The following SASH1 variants were observed in gnomAD, a reference collection of about 807,000 sequenced individuals.
SASH1 encodes the protein SAM and SH3 domain-containing protein 1.
A neutral mutation model predicts 125.2 loss-of-function variants in SASH1; 44 were observed. The observed-to-expected ratio is 0.35, with a 90% confidence interval of 0.28 to 0.45. SASH1 has a LOEUF of 0.45. Among genes scored for constraint, SASH1 ranks in the 20% least tolerant of loss-of-function variants. The pLI is 1.00. For missense variants in SASH1, 1,426 were observed against 1,614.5 expected (o/e 0.88, Z 2.00); for synonymous variants, 639 against 649.1 (o/e 0.98, Z 0.24).
the SASH1 span, among the ~76,000 whole-genome samples, chr6:148,200,217 G>A: frequency 4.6e-5 from 7 of 152,204 alleles, no homozygotes; most frequent in African/African-American, 1.4e-4. Context: ...CTAAATGAAA[G>A]TTACTAATAA....
chr6:148,390,109 C>G (rs374827312), intron 1 of SASH1, 25 bp from the exon 2 acceptor site: 399 of 1,610,758 alleles, frequency 2.5e-4, no homozygotes, highest in Non-Finnish European at 3.2e-4. Context: ...CTGACCTGAC[C>G]GCCTTTGTTT....
intron 16 of SASH1, among the ~76,000 whole-genome samples, chr6:148,538,125 C>T (rs920315711): frequency 3.9e-5 from 6 of 152,286 alleles, no homozygotes; most frequent in Non-Finnish European, 5.9e-5. Context: ...CCCTTCCTTA[C>T]GCCAACTGTG....
chr6:148,465,507 T>C (rs6903386), intron 4 of SASH1, among the ~76,000 whole-genome samples: 134,605 of 150,396 alleles, frequency 0.9, 60,338 homozygotes, highest in African/African-American at 0.95. Context: ...CGCATCACTG[T>C]ACTCCAGCCT....
chr6:148,299,585 T>A (rs1779878740), intron 1 of SASH1, among the ~76,000 whole-genome samples: 1 of 150,630 alleles, frequency 6.6e-6, no homozygotes, highest in African/African-American at 2.5e-5. Context: ...GAGAATCTCT[T>A]GAACCTGGGA....
chr6:148,203,922 C>A, the SASH1 span, among the ~76,000 whole-genome samples: 2 of 152,306 alleles, frequency 1.3e-5, no homozygotes, highest in Middle Eastern at 3.4e-3. Context: ...CAACCTGTGG[C>A]CCTTGTACCT....
At chr6:148,448,109 G>GGAGA (rs780417357) in intron 4 of SASH1, among the ~76,000 whole-genome samples, 3 of 147,644 alleles carry the variant, frequency 2.0e-5, no homozygotes, top group African/African-American at 7.5e-5. Context: ...CTATTGCAGT[G>GGAGA]GAGAGAGTGT....
At chr6:148,210,960 C>T in the SASH1 span, among the ~76,000 whole-genome samples, 2 of 152,098 alleles carry the variant, frequency 1.3e-5, no homozygotes, top group Non-Finnish European at 2.9e-5. Flanking sequence ...AAAAAGAAAA[C>T]ATTGTTGAGT....
chr6:148,265,017 A>G, the SASH1 span, among the ~76,000 whole-genome samples: 1 of 152,242 alleles, frequency 6.6e-6, no homozygotes, highest in African/African-American at 2.4e-5. Flanking sequence ...TACATAATGC[A>G]TTATAAATTT....
chr6:148,385,484 G>A (rs1391460327), intron 1 of SASH1, among the ~76,000 whole-genome samples: 2 of 152,212 alleles, frequency 1.3e-5, no homozygotes, highest in Non-Finnish European at 2.9e-5. Context: ...AAAGTGATAA[G>A]TGTATTTTTT....
At chr6:148,399,210 GCTT>G (rs1287439067) in intron 2 of SASH1, among the ~76,000 whole-genome samples, 6 of 127,990 alleles carry the variant, frequency 4.7e-5, no homozygotes, top group Admixed American at 8.4e-5. Context: ...AACAATTTCA[GCTT>G]CTTTTTTTTT....
chr6:148,546,271 G>T (rs777765517), intron 19 of SASH1, 125 bp downstream of exon 19: 74 of 1,102,018 alleles, frequency 6.7e-5, no homozygotes, highest in Non-Finnish European at 8.9e-5. Flanking sequence ...CAGCTGGGGA[G>T]AAAGTAATAT....
intron 2 of SASH1, among the ~76,000 whole-genome samples, chr6:148,409,632 A>G (rs927783062): frequency 1.3e-5 from 2 of 152,234 alleles, no homozygotes; most frequent in African/African-American, 2.4e-5. Flanking sequence ...AAGCAGCCAC[A>G]AAGTATGTAT....
intron 12 of SASH1, 122 bp downstream of exon 12, chr6:148,527,718 G>A (rs1781267845): frequency 1.1e-6 from 1 of 949,004 alleles, no homozygotes; most frequent in Non-Finnish European, 1.6e-6. Context: ...CCTGCTCCAA[G>A]TCCGTGCTTT....
intron 9 of SASH1, among the ~76,000 whole-genome samples, chr6:148,518,633 G>A (rs2115346903): frequency 6.6e-6 from 1 of 152,286 alleles, no homozygotes; most frequent in East Asian, 1.9e-4. Flanking sequence ...GTGGAAAGCT[G>A]CAGAGCTCAA....
chr6:148,212,589 G>A, the SASH1 span, among the ~76,000 whole-genome samples: 1 of 152,236 alleles, frequency 6.6e-6, no homozygotes, highest in Non-Finnish European at 1.5e-5. Flanking sequence ...ACAGAAATAC[G>A]TGTATATCTG....
the SASH1 span, among the ~76,000 whole-genome samples, chr6:148,229,816 A>C: frequency 6.1e-5 from 9 of 147,814 alleles, no homozygotes; most frequent in East Asian, 1.8e-3. Context: ...GGTTCAAGCG[A>C]TTCTCCTGTC....
chr6:148,398,879 G>A (rs1371902698), intron 2 of SASH1, among the ~76,000 whole-genome samples: 2 of 152,108 alleles, frequency 1.3e-5, no homozygotes, highest in Non-Finnish European at 2.9e-5. Flanking sequence ...CTGTGCTCTG[G>A]CCTCTCTCAG....
chr6:148,217,908 G>A, the SASH1 span, among the ~76,000 whole-genome samples: 1 of 151,458 alleles, frequency 6.6e-6, no homozygotes, highest in Non-Finnish European at 1.5e-5. Context: ...CCAGCTACTG[G>A]AGAGGCTGAG....
At chr6:148,419,335 T>C (rs1784949701) in intron 2 of SASH1, among the ~76,000 whole-genome samples, 1 of 152,232 alleles carries the variant, frequency 6.6e-6, no homozygotes, top group Non-Finnish European at 1.5e-5. Flanking sequence ...TTTTATAGAA[T>C]GAATGAAAAA....
Sources: gnomAD v4.1 joint callset for allele counts (sites outside exome capture counted in the v4.1 genomes callset) on GRCh38, gnomAD v4.1.1 for gene constraint, MANE v1.5 for transcripts, NCBI Gene and HGNC (gene_info 2026-07-23, HGNC 2026-07-21) for gene names.